Variants in AKAP7 observed in about 807,000 individuals in gnomAD.
AKAP7 encodes the protein A kinase (PRKA) anchor protein 7.
AKAP7 carries 39 observed loss-of-function variants against 39.5 expected under a neutral mutation model. That is an observed-to-expected ratio of 0.99 (90% CI 0.76 to 1.29). The LOEUF is 1.29. AKAP7 is among the 50% of genes most tolerant of loss of function. The pLI, the probability that AKAP7 is intolerant of heterozygous loss-of-function variation, is 0.00. For missense variants in AKAP7, 414 were observed against 407.7 expected (o/e 1.02, Z -0.13); for synonymous variants, 140 against 139.1 (o/e 1.01, Z -0.05).
At position 131,169,235 on chromosome 6, in the gene AKAP7, C is replaced by T. The variant is rs559833404; in HGVS notation, c.551C>T (p.Ala184Val). ...AATCAGGTTGGATTTGTGAAGCTGG[C>T]AGAAGGAGATCATGTAAACTCACTT... is the stretch of plus-strand genomic sequence containing the variant. ...FGNQVGFVKL[A>V]EGDHVNSLLE... is the part of the protein sequence containing the mutation. The change falls in exon 5 of 8, where the codon GCA (alanine) becomes GTA (valine). Residue 184 changes from alanine (A) to valine (V), a missense_variant. Coordinates refer to ENST00000431975, the MANE Select transcript of AKAP7 (RefSeq NM_016377.4). 11 of 1,613,892 alleles carry T rather than the reference C, an allele frequency of 6.8e-6. No homozygotes were observed. Among genetic ancestry groups the T allele is most frequent in the Non-Finnish European group, 9.3e-6 (11 of 1,179,962 alleles).
intron 7 of AKAP7, chr6:131,253,244 T>A (rs1199228577): frequency 3.0e-5 from 24 of 811,100 alleles, no homozygotes; most frequent in Non-Finnish European, 3.9e-5. Flanking sequence ...TAGCAAATGA[T>A]GATTTTTTTA....
At chr6:131,236,260 C>A (rs1167932853) in intron 7 of AKAP7, among the ~76,000 whole-genome samples, 1 of 152,130 alleles carries the variant, frequency 6.6e-6, no homozygotes, top group Non-Finnish European at 1.5e-5. Flanking sequence ...TTCCATTGGT[C>A]TATATCTCTG....
intron 5 of AKAP7, among the ~76,000 whole-genome samples, chr6:131,170,058 CA>C (rs1803882809): frequency 6.9e-6 from 1 of 144,286 alleles, no homozygotes; most frequent in African/African-American, 2.6e-5. Flanking sequence ...TCTTAAAAAG[CA>C]ATGTAATAAT....
At chr6:131,184,022 G>A (rs1444521878) in intron 5 of AKAP7, among the ~76,000 whole-genome samples, 2 of 152,180 alleles carry the variant, frequency 1.3e-5, no homozygotes, top group African/African-American at 2.4e-5. Flanking sequence ...TTTGAACCCT[G>A]TGATGACCAG....
chr6:131,261,994 C>G lies in AKAP7; in HGVS notation c.851-19536C>G, dbSNP rs1043008861. On this transcript the variant is annotated intron_variant, in intron 7 of 7. Transcript: ENST00000431975. ...GAAGGACCCCCACATAGCCGAGACTCAGACCTTTGAGGAGAGGTTACTGTC... is the reference window on the plus strand; with the variant it reads ...GAAGGACCCCCACATAGCCGAGACTGAGACCTTTGAGGAGAGGTTACTGTC... 5.3e-5 allele frequency among the ~76,000 whole-genome samples: 8 copies of G among 152,158 alleles called. 1 individual carries two copies. Among genetic ancestry groups the G allele is most frequent in the African/African-American group, 1.9e-4 (8 of 41,426 alleles).
At chr6:131,170,575 G>A (rs1803954547) in intron 5 of AKAP7, among the ~76,000 whole-genome samples, 2 of 152,108 alleles carry the variant, frequency 1.3e-5, no homozygotes. Flanking sequence ...AATAAAAAGG[G>A]CATCTTGTTG....
intron 6 of AKAP7, among the ~76,000 whole-genome samples, chr6:131,215,224 G>T (rs536451521): frequency 6.6e-6 from 1 of 152,284 alleles, no homozygotes. Flanking sequence ...GCAGTTGGTG[G>T]GGTGTCAGGG....
At chr6:131,246,866 G>C (rs1401937608) in intron 7 of AKAP7, among the ~76,000 whole-genome samples, 2 of 151,528 alleles carry the variant, frequency 1.3e-5, no homozygotes, top group Non-Finnish European at 2.9e-5. Flanking sequence ...ATATAGCTGA[G>C]TCTACACACA....
chr6:131,180,772 A>G (rs1398211820), intron 5 of AKAP7, among the ~76,000 whole-genome samples: 2 of 143,558 alleles, frequency 1.4e-5, no homozygotes, highest in Non-Finnish European at 3.0e-5. Context: ...ACAACTGAGG[A>G]CTCCCTTCTT....
At chr6:131,211,192 G>T (rs1461628458) in intron 6 of AKAP7, among the ~76,000 whole-genome samples, 1 of 152,022 alleles carries the variant, frequency 6.6e-6, no homozygotes, top group African/African-American at 2.4e-5. Flanking sequence ...TAGCAAAAGG[G>T]GAATATGCCA....
chr6:131,224,839 C>G (rs949574384), intron 7 of AKAP7, among the ~76,000 whole-genome samples: 5 of 149,904 alleles, frequency 3.3e-5, no homozygotes, highest in African/African-American at 1.2e-4. Flanking sequence ...CAACCTCCAC[C>G]TCCTGGGTTT....
At chr6:131,133,858 A>G (rs1255445130), upstream of AKAP7, among the ~76,000 whole-genome samples, 1 of 152,184 alleles carries the variant, frequency 6.6e-6, no homozygotes, top group Non-Finnish European at 1.5e-5. Context: ...TAGACAAAGG[A>G]AAAGGGGGCT....
intron 7 of AKAP7, among the ~76,000 whole-genome samples, chr6:131,237,117 G>T (rs140261092): frequency 2.6e-5 from 4 of 152,076 alleles, no homozygotes; most frequent in South Asian, 2.1e-4. Context: ...TAGCATGAAG[G>T]GTTGTTGAAT....
chr6:131,127,221 T>A, the AKAP7 span, among the ~76,000 whole-genome samples: 1 of 152,016 alleles, frequency 6.6e-6, no homozygotes, highest in Non-Finnish European at 1.5e-5. Flanking sequence ...AATTTTTTTG[T>A]ATTTTTAGTA....
At chr6:131,247,269 G>GTATATATATATATATATA (rs60033504) in intron 7 of AKAP7, among the ~76,000 whole-genome samples, 1 of 91,920 alleles carries the variant, frequency 1.1e-5, no homozygotes, top group Non-Finnish European at 2.0e-5. Context: ...CATTTCATAT[G>GTATATATATATATATATA]TATATATATA....
At chr6:131,136,694 A>G (rs771960387) in intron 1 of AKAP7, 2 of 182,846 alleles carry the variant, frequency 1.1e-5, no homozygotes, top group South Asian at 3.7e-4. Flanking sequence ...TCCTCCTTTC[A>G]TCCATTTTCG....
chr6:131,235,389 A>T (rs1407948393), intron 7 of AKAP7, among the ~76,000 whole-genome samples: 1 of 152,238 alleles, frequency 6.6e-6, no homozygotes, highest in Non-Finnish European at 1.5e-5. Context: ...GTGTCTTTAT[A>T]GCAGCATGTT....
intron 7 of AKAP7, among the ~76,000 whole-genome samples, chr6:131,252,335 T>G (rs1287480833): frequency 6.6e-6 from 1 of 152,142 alleles, no homozygotes; most frequent in Admixed American, 6.6e-5. Flanking sequence ...TTAGAAGAAA[T>G]GCATTTGCAC....
intron 7 of AKAP7, among the ~76,000 whole-genome samples, chr6:131,235,658 A>G (rs1810989575): frequency 6.6e-6 from 1 of 152,216 alleles, no homozygotes; most frequent in South Asian, 2.1e-4. Flanking sequence ...TCTGATGGCC[A>G]GTGATGATGA....
Sources: gnomAD v4.1 joint callset for allele counts (sites outside exome capture counted in the v4.1 genomes callset) on GRCh38, gnomAD v4.1.1 for gene constraint, MANE v1.5 for transcripts, NCBI Gene and HGNC (gene_info 2026-07-23, HGNC 2026-07-21) for gene names.